Variants in DDC observed in about 807,000 individuals in gnomAD.
DDC encodes the protein aromatic-L-amino-acid decarboxylase.
In DDC, 43 loss-of-function variants were observed where a neutral mutation model predicts 60.0. The observed-to-expected ratio is 0.72, with a 90% confidence interval of 0.56 to 0.92. The LOEUF (loss-of-function observed/expected upper bound fraction) is 0.92. Among genes scored for constraint, DDC ranks in the 40% least tolerant of loss-of-function variants. The pLI is 0.00. For synonymous variants in DDC, 232 were observed against 234.6 expected (o/e 0.99, Z 0.10); for missense variants, 573 against 620.2 (o/e 0.92, Z 0.81).
rs756656475 is a variant in DDC, at chr7:50,479,814, A to G, written c.994T>C (p.Tyr332His). ...LTGAFRLDPT[Y>H]LKHSHQDSGL... The stretch of plus-strand genomic sequence containing the variant: ...GAATCCTGATGGCTGTGCTTCAGGT[A>G]AGTGGGGTCCAGTCTAAAGGCTCCC... The change falls in exon 10 of 15, where the codon TAC becomes CAC. Residue 332 changes from tyrosine (Y) to histidine (H), a missense_variant. Transcript: ENST00000444124. 6.2e-7 allele frequency: 1 copy of G among 1,613,780 alleles called. No individual in the cohort carries two copies. Among genetic ancestry groups the G allele is most frequent in the Non-Finnish European group, 8.5e-7 (1 of 1,180,006 alleles).
At chr7:50,520,129 A>T (rs2043852415) in intron 6 of DDC, among the ~76,000 whole-genome samples, 1 of 152,200 alleles carries the variant, frequency 6.6e-6, no homozygotes, top group South Asian at 2.1e-4. Context: ...GCAGTCAGAA[A>T]ATAGGTAAGG....
In DDC at chr7:50,562,214, G is replaced by A. The variant is rs11575261; in HGVS notation, c.-29+3071C>T. On this transcript the variant is annotated intron_variant, in intron 1 of 14. Coordinates refer to ENST00000444124, the MANE Select transcript of DDC (RefSeq NM_001082971.2). The stretch of plus-strand genomic sequence containing the variant: ...ACATGCCATGAGTGCAGGGGCTGCA[G>A]GGCGGGGACCTGGCAGGTGGTACAA... Among the ~76,000 whole-genome samples the A allele has an allele frequency of 1.7e-3, 263 of 152,352 alleles. 3 individuals carry two copies. The highest frequency in any genetic ancestry group is 6.1e-3 in the African/African-American group (253 of 41,596).
intron 6 of DDC, among the ~76,000 whole-genome samples, chr7:50,504,975 A>T (rs1171849205): frequency 6.6e-6 from 1 of 152,252 alleles, no homozygotes; most frequent in Non-Finnish European, 1.5e-5. Context: ...AGGTCATGAG[A>T]AAACACTGCT....
chr7:50,467,199 T>C lies in DDC; in HGVS notation c.1242+15A>G, dbSNP rs908066678. 1 of 1,599,756 alleles carries C rather than the reference T, an allele frequency of 6.3e-7. No homozygotes were observed. On this transcript the variant is annotated intron_variant, in intron 13 of 14. Coordinates refer to ENST00000444124, the MANE Select transcript of DDC (RefSeq NM_001082971.2). ...CATTCACAGAAAATGAAGAATGGAATAGATGTAGACAAACCTTTAGCCGAA... is the reference window on the plus strand; with the variant it reads ...CATTCACAGAAAATGAAGAATGGAACAGATGTAGACAAACCTTTAGCCGAA...
At chr7:50,492,335 A>G (rs1315188092) in intron 9 of DDC, among the ~76,000 whole-genome samples, 2 of 152,258 alleles carry the variant, frequency 1.3e-5, no homozygotes, top group East Asian at 3.8e-4. Context: ...ATCAACATTC[A>G]TGCCATTTTT....
At chr7:50,493,726 T>A (rs58024888) in intron 9 of DDC, among the ~76,000 whole-genome samples, 4,591 of 152,264 alleles carry the variant, frequency 0.03, 119 homozygotes, top group African/African-American at 0.07. Context: ...CAACTGGTTT[T>A]AAAATTATAT....
intron 4 of DDC, among the ~76,000 whole-genome samples, chr7:50,532,613 A>G (rs761584932): frequency 6.6e-6 from 1 of 152,258 alleles, no homozygotes; most frequent in Non-Finnish European, 1.5e-5. Flanking sequence ...CAATCTTCAT[A>G]AATACTTTGA....
At chr7:50,529,402 A>G (rs2044134119) in intron 4 of DDC, 60 bp from the exon 5 acceptor site, 14 of 1,583,124 alleles carry the variant, frequency 8.8e-6, no homozygotes, top group Non-Finnish European at 8.7e-7. Flanking sequence ...TGGTACCTAC[A>G]CTATTGGAAG....
chr7:50,459,967 T>G (rs1295568191), intron 14 of DDC, among the ~76,000 whole-genome samples: 1 of 123,912 alleles, frequency 8.1e-6, no homozygotes, highest in African/African-American at 3.3e-5. Context: ...CCGCCCCATC[T>G]GGGAGGTGAG....
At chr7:50,534,812 C>T (rs1025306319) in intron 4 of DDC, among the ~76,000 whole-genome samples, 4 of 152,242 alleles carry the variant, frequency 2.6e-5, no homozygotes, top group African/African-American at 9.6e-5. Flanking sequence ...CTGAGTGCTG[C>T]TGCCCTCTGT....
At chr7:50,519,160 ATCAGGG>A (rs2043819618) in intron 6 of DDC, among the ~76,000 whole-genome samples, 5 of 152,228 alleles carry the variant, frequency 3.3e-5, no homozygotes, top group African/African-American at 1.2e-4. Context: ...ATCACTAATA[ATCAGGG>A]AAATGCAAAT....
intron 4 of DDC, among the ~76,000 whole-genome samples, chr7:50,533,965 C>T (rs951997858): frequency 2.6e-5 from 4 of 152,322 alleles, no homozygotes; most frequent in Middle Eastern, 3.4e-3. Flanking sequence ...GACTGCCTGG[C>T]TCTAGTGGCC....
At chr7:50,541,452 A>G (rs2044628216) in intron 2 of DDC, 1 of 152,166 alleles carries the variant, frequency 6.6e-6, no homozygotes, top group African/African-American at 2.4e-5. Context: ...CTAACCCCCA[A>G]AGTGATGGCA....
intron 14 of DDC, among the ~76,000 whole-genome samples, chr7:50,460,132 T>G (rs1317324582): frequency 4.0e-5 from 5 of 125,640 alleles, no homozygotes; most frequent in African/African-American, 1.6e-4. Flanking sequence ...CCGCCCCTAC[T>G]GGGAAGTGAG....
At chr7:50,483,005 T>C (rs1488521679) in intron 9 of DDC, among the ~76,000 whole-genome samples, 1 of 123,614 alleles carries the variant, frequency 8.1e-6, no homozygotes, top group Non-Finnish European at 1.9e-5. Context: ...TTCTTTATCT[T>C]TTTTTTTTTA....
In DDC at chr7:50,533,575, G is replaced by A. The variant is rs191841948; in HGVS notation, c.436-4233C>T. ...CTCCCAAAGTGTTGGGATTACAGGC[G>A]TGAGCCACCACACCAGGTCCATAAT... is the stretch of plus-strand genomic sequence containing the variant. On this transcript the variant is annotated intron_variant, in intron 4 of 14. Coordinates refer to ENST00000444124, the MANE Select transcript of DDC (RefSeq NM_001082971.2). Among the ~76,000 whole-genome samples, 23 of 152,302 alleles carry A rather than the reference G, an allele frequency of 1.5e-4. No individual in the cohort carries two copies. The East Asian group carries it at 4.2e-3, about 28-fold the overall frequency.
At chr7:50,510,745 G>A (rs2043540365) in intron 6 of DDC, among the ~76,000 whole-genome samples, 1 of 151,394 alleles carries the variant, frequency 6.6e-6, no homozygotes, top group Non-Finnish European at 1.5e-5. Flanking sequence ...ACTTTGGGAG[G>A]CCAAGGCGGG....
At chr7:50,526,289 T>C (rs556442836) in intron 6 of DDC, among the ~76,000 whole-genome samples, 10 of 152,290 alleles carry the variant, frequency 6.6e-5, no homozygotes, top group African/African-American at 2.4e-4. Context: ...AATGGACTTA[T>C]ACAAAGTACC....
chr7:50,479,509 C>T (rs1562989939), intron 10 of DDC, among the ~76,000 whole-genome samples: 1 of 152,202 alleles, frequency 6.6e-6, no homozygotes, highest in African/African-American at 2.4e-5. Context: ...TATTAAAATC[C>T]CATGGCTGTG....
Sources: allele counts gnomAD v4.1 joint callset (sites outside exome capture counted in the v4.1 genomes callset), GRCh38; gene constraint gnomAD v4.1.1; transcripts MANE v1.5; gene names NCBI Gene and HGNC (gene_info 2026-07-23, HGNC 2026-07-21).